LINGO2: variants seen among roughly 807,000 people sequenced by gnomAD.
LINGO2 encodes the protein leucine-rich repeat and immunoglobulin-like domain-containing nogo receptor-interacting protein 2.
In LINGO2, 14 loss-of-function variants were observed where a neutral mutation model predicts 30.6. That is an observed-to-expected ratio of 0.46 (90% confidence interval 0.30 to 0.72). The LOEUF (loss-of-function observed/expected upper bound fraction) is 0.72. Among genes scored for constraint, LINGO2 ranks in the 30% least tolerant of loss-of-function variants. The pLI, the probability that LINGO2 is intolerant of heterozygous loss-of-function variation, is 0.07. For synonymous variants in LINGO2, 317 were observed against 288.5 expected, an observed-to-expected ratio of 1.10 and a Z score of -1.00; for missense variants, 729 against 751.7, an observed-to-expected ratio of 0.97 and a Z score of 0.35.
At chr9:29,110,691 G>GT in the LINGO2 span, among the ~76,000 whole-genome samples, 445 of 143,054 alleles carry the variant, frequency 3.1e-3, 2 homozygotes, top group African/African-American at 9.3e-3. Context: ...AAGTTACTTT[G>GT]TTTTTTTTTC....
the LINGO2 span, among the ~76,000 whole-genome samples, chr9:29,186,614 T>G: frequency 1.3e-5 from 2 of 152,266 alleles, no homozygotes; most frequent in South Asian, 4.1e-4. Context: ...GACCTGCATT[T>G]GCACTAAGAT....
At chr9:28,969,359 G>C in the LINGO2 span, among the ~76,000 whole-genome samples, 3 of 152,132 alleles carry the variant, frequency 2.0e-5, no homozygotes, top group African/African-American at 7.2e-5. Context: ...TAAAGACCAG[G>C]GGCAGGTAGT....
chr9:28,946,883 G>C, the LINGO2 span, among the ~76,000 whole-genome samples: 4 of 152,052 alleles, frequency 2.6e-5, no homozygotes, highest in Non-Finnish European at 4.4e-5. Context: ...CACAGAGACA[G>C]AGTACATATG....
At chr9:29,060,916 G>A in the LINGO2 span, among the ~76,000 whole-genome samples, 1 of 151,866 alleles carries the variant, frequency 6.6e-6, no homozygotes, top group Non-Finnish European at 1.5e-5. Context: ...GTTTTAAGAT[G>A]TATCTTTAGA....
the LINGO2 span, among the ~76,000 whole-genome samples, chr9:28,776,536 A>G: frequency 6.6e-6 from 1 of 152,338 alleles, no homozygotes; most frequent in Non-Finnish European, 1.5e-5. Context: ...TCCCTAGAGT[A>G]TCTTCTCAAA....
At chr9:28,212,612 G>A (rs1820630900) in intron 4 of LINGO2, among the ~76,000 whole-genome samples, 1 of 151,298 alleles carries the variant, frequency 6.6e-6, no homozygotes, top group African/African-American at 2.4e-5. Flanking sequence ...TTTTAATCAT[G>A]TAAAGTATGC....
At position 28,194,211 on chromosome 9, in the gene LINGO2, G is replaced by A. The variant is rs568052474; in HGVS notation, c.-87+100997C>T. On this transcript the variant is annotated intron_variant, in intron 4 of 5. Transcript: ENST00000379992. ...ATCTACTATATCTTCCATGGTATCA[G>A]AAGAAATACATAACAAAACAATAGA... 5.5e-4 allele frequency among the ~76,000 whole-genome samples: 84 copies of A among 152,138 alleles called. 1 individual carries two copies. Among genetic ancestry groups the A allele is most frequent in the Middle Eastern group, 3.4e-3 (1 of 294 alleles).
the LINGO2 span, among the ~76,000 whole-genome samples, chr9:29,009,857 G>A: frequency 6.6e-6 from 1 of 152,088 alleles, no homozygotes. Context: ...ACAGAACAGA[G>A]CACTCAGAAA....
the LINGO2 span, among the ~76,000 whole-genome samples, chr9:28,696,177 G>C: frequency 6.6e-6 from 1 of 151,802 alleles, no homozygotes; most frequent in African/African-American, 2.4e-5. Flanking sequence ...TCTGTTGTCA[G>C]TTGGCTATTA....
At chr9:29,151,020 AG>A in the LINGO2 span, among the ~76,000 whole-genome samples, 706 of 152,276 alleles carry the variant, frequency 4.6e-3, 23 homozygotes, top group East Asian at 0.032. Context: ...GAGATAGGTC[AG>A]GGCACTTACA....
chr9:28,762,861 C>G, the LINGO2 span, among the ~76,000 whole-genome samples: 1 of 151,716 alleles, frequency 6.6e-6, no homozygotes, highest in Non-Finnish European at 1.5e-5. Flanking sequence ...CTGGACTTGA[C>G]TACAGGAAGG....
chr9:28,130,439 C>G lies in LINGO2; in HGVS notation c.-86-118034G>C, dbSNP rs567310876. Among the ~76,000 whole-genome samples the G allele has an allele frequency of 8.5e-5, 13 of 152,092 alleles. No homozygotes were observed. Among genetic ancestry groups the G allele is most frequent in the Non-Finnish European group, 1.3e-4 (9 of 68,006 alleles). On this transcript the variant is annotated intron_variant, in intron 4 of 5. Transcript: ENST00000379992. This position sits in a 1 kb window ranked among gnomAD's most constrained non-coding sequence, Gnocchi z 5.2. ...TGCTAAACTTTAAGTTCTTTTTCTTCCCAATTTAAATTTAAGTCAAATTTT... is the reference window on the plus strand; with the variant it reads ...TGCTAAACTTTAAGTTCTTTTTCTTGCCAATTTAAATTTAAGTCAAATTTT...
intron 4 of LINGO2, among the ~76,000 whole-genome samples, chr9:28,046,840 T>C (rs2133031158): frequency 6.6e-6 from 1 of 152,274 alleles, no homozygotes; most frequent in African/African-American, 2.4e-5. Context: ...CCACTGGGAC[T>C]ATCACCTTCC....
chr9:28,367,895 T>C (rs191603069), intron 3 of LINGO2, among the ~76,000 whole-genome samples: 2 of 152,254 alleles, frequency 1.3e-5, no homozygotes, highest in Admixed American at 1.3e-4. Context: ...TTGAACTTTT[T>C]CCCCTATTTT....
At chr9:29,047,855 C>A in the LINGO2 span, among the ~76,000 whole-genome samples, 2 of 152,090 alleles carry the variant, frequency 1.3e-5, no homozygotes, top group Admixed American at 1.3e-4. Context: ...AATCCCAGCA[C>A]TTTGGGAGGC....
At chr9:28,498,927 T>C (rs1276849407) in intron 1 of LINGO2, among the ~76,000 whole-genome samples, 1 of 152,146 alleles carries the variant, frequency 6.6e-6, no homozygotes, top group Non-Finnish European at 1.5e-5. Context: ...AGGTAAATAT[T>C]ATAAAATATT....
At chr9:29,047,690 T>C in the LINGO2 span, among the ~76,000 whole-genome samples, 20 of 152,288 alleles carry the variant, frequency 1.3e-4, no homozygotes, top group African/African-American at 4.1e-4. Context: ...ATTATACTTG[T>C]TTGCAGATTA....
At chr9:28,265,975 A>AGGG (rs1822736017) in intron 4 of LINGO2, among the ~76,000 whole-genome samples, 1 of 152,026 alleles carries the variant, frequency 6.6e-6, no homozygotes, top group South Asian at 2.1e-4. Context: ...TGAGATGATA[A>AGGG]GGATGGAGTC....
chr9:28,514,443 C>G (rs1291300672), intron 1 of LINGO2, among the ~76,000 whole-genome samples: 3 of 152,146 alleles, frequency 2.0e-5, no homozygotes, highest in Non-Finnish European at 4.4e-5. Context: ...ATAAAAAGTA[C>G]TACTCTGGCA....
Sources: allele counts gnomAD v4.1 joint callset (sites outside exome capture counted in the v4.1 genomes callset), GRCh38; gene constraint gnomAD v4.1.1; non-coding constraint Gnocchi (gnomAD v3.1); transcripts MANE v1.5; gene names NCBI Gene and HGNC (gene_info 2026-07-23, HGNC 2026-07-21).